The following MTRFR variants were observed in gnomAD, a reference collection of about 807,000 sequenced individuals.
MTRFR encodes the protein probable peptide chain release factor C12orf65, mitochondrial.
In MTRFR, 10 loss-of-function variants were observed where a neutral mutation model predicts 11.9. That is an observed-to-expected ratio of 0.84 (90% confidence interval 0.52 to 1.42). The LOEUF is 1.42. Ranked by LOEUF, MTRFR falls within the 40% of genes most tolerant of loss-of-function variation. The probability of loss-of-function intolerance (pLI) is 0.00; values close to 1 mark genes in which losing one functional copy is unlikely to be tolerated. For missense variants in MTRFR, 196 were observed against 197.9 expected (o/e 0.99, Z 0.06); for synonymous variants, 77 against 79.1 (o/e 0.97, Z 0.14).
intron 1 of MTRFR, among the ~76,000 whole-genome samples, chr12:123,242,122 T>G (rs1185300074): frequency 6.6e-6 from 1 of 152,192 alleles, no homozygotes; most frequent in Non-Finnish European, 1.5e-5. Flanking sequence ...AATGTTCCCT[T>G]TTGTAAATTC....
intron 1 of MTRFR, among the ~76,000 whole-genome samples, chr12:123,236,511 T>G (rs1394150169): frequency 6.6e-6 from 1 of 152,054 alleles, no homozygotes. Flanking sequence ...AGAAGCTTGC[T>G]TGAGCCCAGG....
chr12:123,256,876 G>A lies in MTRFR; in HGVS notation c.346G>A (p.Val116Ile), dbSNP rs764248299. ...AGCTCGGAAAATCCTACAAGAGAAA[G>A]TAGATGTTTTCTACAATGGTGAAAA... ...KLARKILQEK[V>I]DVFYNGENSP... is the part of the protein sequence containing the mutation. Residue 116 changes from valine (V) to isoleucine (I), a missense_variant, in exon 3 of 3, where the codon GTA becomes ATA. Val to Ile is a conservative substitution (Grantham distance 29). Transcript: ENST00000253233. 1 of 1,613,906 alleles carries A rather than the reference G, an allele frequency of 6.2e-7. No homozygotes were observed. The highest frequency in any genetic ancestry group is 1.1e-5 in the South Asian group (1 of 91,076).
chr12:123,252,563 T>C (rs1343682777), intron 1 of MTRFR: 2 of 150,918 alleles, frequency 1.3e-5, no homozygotes, highest in African/African-American at 4.9e-5. Context: ...AAAACAACAA[T>C]CATGACATTG....
At chr12:123,251,052 G>A (rs2048105777) in intron 1 of MTRFR, 1 of 152,204 alleles carries the variant, frequency 6.6e-6, no homozygotes, top group Non-Finnish European at 1.5e-5. Flanking sequence ...CAGGTCACTG[G>A]AGTCGTGTAC....
At chr12:123,247,368 T>C (rs1051472795) in intron 1 of MTRFR, among the ~76,000 whole-genome samples, 1 of 152,208 alleles carries the variant, frequency 6.6e-6, no homozygotes, top group African/African-American at 2.4e-5. Flanking sequence ...GATTGTGATA[T>C]TATCCTGTGA....
intron 1 of MTRFR, among the ~76,000 whole-genome samples, chr12:123,243,030 C>T (rs1333180549): frequency 1.3e-5 from 2 of 152,156 alleles, no homozygotes; most frequent in African/African-American, 4.8e-5. Context: ...CTCAATCTTT[C>T]GTAGGTAAGG....
intron 1 of MTRFR, chr12:123,252,127 AC>A (rs2048121004): frequency 6.6e-6 from 1 of 152,276 alleles, no homozygotes; most frequent in Admixed American, 6.5e-5. Flanking sequence ...ACTGTACCTA[AC>A]AAGGACCTTA....
chr12:123,249,864 T>C (rs1466813093), intron 1 of MTRFR: 1 of 152,258 alleles, frequency 6.6e-6, no homozygotes, highest in Non-Finnish European at 1.5e-5. Context: ...TAGATGAAGA[T>C]CTTTTTGCAA....
intron 1 of MTRFR, among the ~76,000 whole-genome samples, chr12:123,238,306 G>C (rs1307559719): frequency 6.6e-6 from 1 of 152,150 alleles, no homozygotes; most frequent in Admixed American, 6.5e-5. Flanking sequence ...TTTCAAAGCA[G>C]CAACATTGCA....
chr12:123,239,797 T>A (rs1308947181), intron 1 of MTRFR, among the ~76,000 whole-genome samples: 1 of 152,098 alleles, frequency 6.6e-6, no homozygotes, highest in African/African-American at 2.4e-5. Flanking sequence ...TGACCCAGTT[T>A]CCCAATCTCC....
At chr12:123,246,941 G>C (rs759084558) in intron 1 of MTRFR, among the ~76,000 whole-genome samples, 2 of 151,644 alleles carry the variant, frequency 1.3e-5, no homozygotes, top group Non-Finnish European at 2.9e-5. Flanking sequence ...GTGTTAGCCA[G>C]GATGGTCTCA....
At chr12:123,242,582 T>C (rs2047958066) in intron 1 of MTRFR, among the ~76,000 whole-genome samples, 1 of 152,160 alleles carries the variant, frequency 6.6e-6, no homozygotes. Context: ...GTGTCTAGAA[T>C]TGTCTGATTG....
intron 1 of MTRFR, among the ~76,000 whole-genome samples, chr12:123,241,529 G>A (rs543306567): frequency 8.6e-5 from 13 of 152,038 alleles, no homozygotes; most frequent in African/African-American, 1.7e-4. Context: ...TAGTAGAGAC[G>A]GGGTTTCACC....
At chr12:123,236,105 G>A (rs1031659408) in intron 1 of MTRFR, among the ~76,000 whole-genome samples, 1 of 151,962 alleles carries the variant, frequency 6.6e-6, no homozygotes, top group Non-Finnish European at 1.5e-5. Flanking sequence ...AAAAGTTAAG[G>A]AAAAGGAGCT....
At chr12:123,250,906 T>G (rs1258745813) in intron 1 of MTRFR, 1 of 152,026 alleles carries the variant, frequency 6.6e-6, no homozygotes, top group African/African-American at 2.4e-5. Flanking sequence ...CTCCCAAGAT[T>G]TATTTGCCCT....
At chr12:123,241,465 A>C (rs944967945) in intron 1 of MTRFR, among the ~76,000 whole-genome samples, 1 of 151,992 alleles carries the variant, frequency 6.6e-6, no homozygotes, top group Non-Finnish European at 1.5e-5. Context: ...AGTCCTCCCA[A>C]GTAGCTGGGA....
chr12:123,252,924 CAA>C (rs1272422672), intron 1 of MTRFR, among the ~76,000 whole-genome samples: 1 of 151,996 alleles, frequency 6.6e-6, no homozygotes, highest in Non-Finnish European at 1.5e-5. Context: ...GATTCCGTCT[CAA>C]AAAATAAAAT....
At chr12:123,242,129 A>C (rs953568096) in intron 1 of MTRFR, among the ~76,000 whole-genome samples, 1 of 152,186 alleles carries the variant, frequency 6.6e-6, no homozygotes, top group Non-Finnish European at 1.5e-5. Context: ...CCTTTTGTAA[A>C]TTCCTTAGAC....
At position 123,257,113 on chromosome 12, in the gene MTRFR, A is replaced by C. The variant is rs531601049; in HGVS notation, c.*82A>C. On this transcript the variant is annotated 3_prime_UTR_variant, in exon 3 of 3. Coordinates refer to ENST00000253233, the MANE Select transcript of MTRFR (RefSeq NM_152269.5). ...GGTGGCGAGTTCCATCACCAGCATT[A>C]TTATAGTGCTTCAAAAGAAATATTT... 1 of 1,022,862 alleles carries C rather than the reference A, an allele frequency of 9.8e-7. No individual in the cohort carries two copies. The highest frequency in any genetic ancestry group is 2.1e-5 in the Admixed American group (1 of 47,574). 63.4% of individuals were successfully genotyped at this position (1,022,862 alleles called of 1,614,324 possible).
Sources: gnomAD v4.1 joint callset for allele counts (sites outside exome capture counted in the v4.1 genomes callset) on GRCh38, gnomAD v4.1.1 for gene constraint, MANE v1.5 for transcripts, NCBI Gene and HGNC (gene_info 2026-07-23, HGNC 2026-07-21) for gene names.